LIPA: variants seen among roughly 807,000 people sequenced by gnomAD.
LIPA encodes the protein lipase A, lysosomal acid type.
LIPA carries 26 observed loss-of-function variants against 40.6 expected under a neutral mutation model. The ratio of observed to expected loss-of-function variants is 0.64; its 90% CI spans 0.47 to 0.89. The LOEUF is 0.89. LIPA is among the 40% of genes least tolerant of loss of function. The pLI, the probability that LIPA is intolerant of heterozygous loss-of-function variation, is 0.00. For synonymous variants in LIPA, 188 were observed against 168.4 expected (o/e 1.12, Z -0.90); for missense variants, 455 against 479.6 (o/e 0.95, Z 0.48).
At chr10:89,311,423 A>G (rs1843514747) in intron 1 of LIPA, among the ~76,000 whole-genome samples, 1 of 150,246 alleles carries the variant, frequency 6.7e-6, no homozygotes, top group South Asian at 2.1e-4. Context: ...CCAGCTACTC[A>G]GGAGGTTGAG....
At chr10:89,335,316 A>AT (rs1259314400) in intron 1 of LIPA, 1 of 152,152 alleles carries the variant, frequency 6.6e-6, no homozygotes, top group Non-Finnish European at 1.5e-5. Flanking sequence ...GTGGGGATGG[A>AT]ATATCCCTGA....
chr10:89,257,931 A>C (rs563737218), intron 1 of LIPA, among the ~76,000 whole-genome samples: 62 of 152,336 alleles, frequency 4.1e-4, no homozygotes, highest in African/African-American at 1.5e-3. Flanking sequence ...AACCACCTGC[A>C]AACGGTAAGA....
intron 1 of LIPA, among the ~76,000 whole-genome samples, chr10:89,278,838 AAT>A (rs1196263544): frequency 1.3e-5 from 2 of 151,254 alleles, no homozygotes; most frequent in Non-Finnish European, 2.9e-5. Flanking sequence ...TAAAATATGT[AAT>A]ATAAAATTAC....
chr10:89,284,104 C>G (rs987214671), intron 1 of LIPA: 6 of 152,232 alleles, frequency 3.9e-5, no homozygotes, highest in African/African-American at 1.4e-4. Flanking sequence ...TTTAGCAATC[C>G]TAACCAGGAA....
upstream of LIPA, among the ~76,000 whole-genome samples, chr10:89,346,318 C>T (rs1332335): frequency 0.069 from 10,502 of 152,182 alleles, 902 homozygotes; most frequent in African/African-American, 0.2. Context: ...ACAGTGACAA[C>T]ATATAATCAA....
chr10:89,236,252 T>G (rs1842903558), intron 3 of LIPA, among the ~76,000 whole-genome samples: 1 of 152,174 alleles, frequency 6.6e-6, no homozygotes, highest in Non-Finnish European at 1.5e-5. Context: ...TGTAAAGATG[T>G]GGTATTAAAT....
At position 89,235,491 on chromosome 10, in the gene LIPA, C is replaced by T. The variant is rs149244609; in HGVS notation, c.230-7093G>A. Among the ~76,000 whole-genome samples the T allele has an allele frequency of 2.2e-4, 34 of 152,354 alleles. 1 individual carries two copies. In the East Asian group the frequency reaches 5.0e-3, roughly 22 times the overall value. On this transcript the variant is annotated intron_variant, in intron 3 of 9. Transcript: ENST00000336233. The stretch of plus-strand genomic sequence containing the variant: ...GCAGCCCAGTGGCAGTCCACGACAA[C>T]GCTGCCTTCCCAGTGTGGGTGGAAG...
chr10:89,261,746 T>C (rs559405231), intron 1 of LIPA, among the ~76,000 whole-genome samples: 2 of 152,296 alleles, frequency 1.3e-5, no homozygotes, highest in South Asian at 2.1e-4. Flanking sequence ...ATTCTTATTC[T>C]TCCTTGTTCA....
chr10:89,223,695 T>A lies in LIPA; in HGVS notation c.811A>T (p.Asn271Tyr). ...ATAAACATGCATACCATATTTAAAT[T>A]TCTCTCATTAAATCCACACAGAAGA... ...CFLLCGFNER[N>Y]LNMSRVDVYT... Residue 271 changes from asparagine to tyrosine, a missense_variant, in exon 7 of 10, where the codon AAT becomes TAT. Transcript: ENST00000336233. 6.2e-7 allele frequency: 1 copy of A among 1,611,608 alleles called. No individual in the cohort carries two copies. Among genetic ancestry groups the A allele is most frequent in the South Asian group, 1.1e-5 (1 of 91,024 alleles).
chr10:89,359,441 C>T (rs17120004), intron 2 of LIPA, among the ~76,000 whole-genome samples: 35,027 of 152,148 alleles, frequency 0.23, 4,216 homozygotes, highest in African/African-American at 0.25. Flanking sequence ...TTCCTGGTCA[C>T]GAAATCATGT....
intron 1 of LIPA, among the ~76,000 whole-genome samples, chr10:89,333,627 G>T (rs992187328): frequency 6.6e-6 from 1 of 152,112 alleles, no homozygotes; most frequent in African/African-American, 2.4e-5. Flanking sequence ...TTGAGCCCAG[G>T]GGCTCCAGAC....
intron 2 of LIPA, among the ~76,000 whole-genome samples, chr10:89,371,761 C>G (rs1389537299): frequency 6.6e-6 from 1 of 152,142 alleles, no homozygotes; most frequent in Non-Finnish European, 1.5e-5. Flanking sequence ...ACCATTGGAA[C>G]CTTAAACATC....
intron 2 of LIPA, among the ~76,000 whole-genome samples, chr10:89,380,672 A>G (rs1367852103): frequency 6.6e-6 from 1 of 152,124 alleles, no homozygotes; most frequent in African/African-American, 2.4e-5. Flanking sequence ...GGCTCAAGCA[A>G]TTCACCTGCC....
At chr10:89,354,114 AGAACT>A in intron 2 of LIPA, among the ~76,000 whole-genome samples, 1 of 152,198 alleles carries the variant, frequency 6.6e-6, no homozygotes, top group Non-Finnish European at 1.5e-5. Context: ...AGGTTGCTGC[AGAACT>A]GTATGGATTT....
intron 8 of LIPA, among the ~76,000 whole-genome samples, chr10:89,218,199 A>G (rs1842652393): frequency 6.6e-6 from 1 of 152,218 alleles, no homozygotes; most frequent in Non-Finnish European, 1.5e-5. Flanking sequence ...CAACTTTTCT[A>G]AAGTACAATA....
intron 1 of LIPA, chr10:89,339,443 T>G (rs1366818540): frequency 5.6e-6 from 9 of 1,614,088 alleles, no homozygotes; most frequent in Non-Finnish European, 7.6e-6. Flanking sequence ...GCTATTGAAC[T>G]GTTTCAACGG....
At chr10:89,402,944 T>C (rs1288344470) in intron 2 of LIPA, 1 of 1,614,164 alleles carries the variant, frequency 6.2e-7, no homozygotes, top group Non-Finnish European at 8.5e-7. Context: ...AGGTTCTCCT[T>C]GCCCTGAAGC....
At chr10:89,244,981 C>T (rs929288838) in intron 3 of LIPA, among the ~76,000 whole-genome samples, 1 of 152,094 alleles carries the variant, frequency 6.6e-6, no homozygotes, top group African/African-American at 2.4e-5. Flanking sequence ...TATTTGTTAA[C>T]AGAAGACTGA....
chr10:89,337,235 G>A (rs1400409408), intron 1 of LIPA, among the ~76,000 whole-genome samples: 2 of 152,176 alleles, frequency 1.3e-5, no homozygotes, highest in Non-Finnish European at 2.9e-5. Flanking sequence ...GAAAGCACCT[G>A]GCGGGCAGAG....
Sources: allele counts gnomAD v4.1 joint callset (sites outside exome capture counted in the v4.1 genomes callset), GRCh38; gene constraint gnomAD v4.1.1; transcripts MANE v1.5; gene names NCBI Gene and HGNC (gene_info 2026-07-23, HGNC 2026-07-21).